The following NFAM1 variants were observed in gnomAD, a reference collection of about 807,000 sequenced individuals.
NFAM1 encodes the protein NFAT activation molecule 1.
NFAM1 carries 17 observed loss-of-function variants against 29.0 expected under a neutral mutation model. The observed-to-expected ratio is 0.59, with a 90% CI of 0.40 to 0.88. The LOEUF (loss-of-function observed/expected upper bound fraction) is 0.88. NFAM1 is among the 40% of genes least tolerant of loss of function. The pLI is 0.00. For missense variants in NFAM1, 324 were observed against 344.6 expected, an observed-to-expected ratio of 0.94 and a Z score of 0.47; for synonymous variants, 175 against 147.2, an observed-to-expected ratio of 1.19 and a Z score of -1.36.
At chr22:42,435,340 TTTTC>T (rs1423774494), upstream of NFAM1, among the ~76,000 whole-genome samples, 7 of 132,448 alleles carry the variant, frequency 5.3e-5, no homozygotes, top group Admixed American at 2.9e-4. Flanking sequence ...TTTCTTTTTC[TTTTC>T]TTTCTTTTTT....
At chr22:42,403,891 T>C (rs1474896274) in intron 3 of NFAM1, among the ~76,000 whole-genome samples, 2 of 152,066 alleles carry the variant, frequency 1.3e-5, no homozygotes, top group African/African-American at 4.8e-5. Flanking sequence ...GCTGGGTACA[T>C]GGGAGCTGGA....
At chr22:42,426,359 C>G (rs987033051) in intron 1 of NFAM1, among the ~76,000 whole-genome samples, 1 of 152,154 alleles carries the variant, frequency 6.6e-6, no homozygotes, top group African/African-American at 2.4e-5. Context: ...CAATGGGGTG[C>G]GTGGGGAGCA....
intron 3 of NFAM1, among the ~76,000 whole-genome samples, chr22:42,406,188 C>G (rs7291766): frequency 0.031 from 4,263 of 135,510 alleles, 203 homozygotes; most frequent in African/African-American, 0.11. Context: ...CGCCTCACCC[C>G]CCGAGGGAGC....
At chr22:42,393,715 CAA>C (rs757153855) in intron 4 of NFAM1, among the ~76,000 whole-genome samples, 23 of 96,924 alleles carry the variant, frequency 2.4e-4, no homozygotes, top group Admixed American at 2.1e-4. Context: ...TGCACCCAGC[CAA>C]AAAAAAAAAA....
At position 42,428,292 on chromosome 22, in the gene NFAM1, G is replaced by A. The variant is rs563339814; in HGVS notation, c.121+3945C>T. Among the ~76,000 whole-genome samples, 13 of 152,142 alleles carry A rather than the reference G, an allele frequency of 8.5e-5. 1 individual carries two copies. Among genetic ancestry groups the A allele is most frequent in the South Asian group, 4.2e-4 (2 of 4,816 alleles). Reference sequence around the variant, plus strand: ...TTCCAGCACTCCCCTGCCTCTCCCCGCCCACCTCTGCCTGTGCCTCGAAAG... The same window carrying A: ...TTCCAGCACTCCCCTGCCTCTCCCCACCCACCTCTGCCTGTGCCTCGAAAG... On this transcript the variant is annotated intron_variant, in intron 1 of 5. Coordinates refer to ENST00000329021, the MANE Select transcript of NFAM1 (RefSeq NM_145912.8).
rs1045484777 is a variant in NFAM1, at chr22:42,385,112, G to T, written c.*49C>A. 1.2e-5 allele frequency: 17 copies of T among 1,437,812 alleles called. No homozygotes were observed. Among genetic ancestry groups the T allele is most frequent in the Non-Finnish European group, 1.6e-5 (16 of 1,020,372 alleles). 89.1% of individuals were successfully genotyped at this position (1,437,812 alleles called of 1,614,324 possible). A position where few individuals can be genotyped will look rare whatever the true frequency, so the allele number is the denominator to read the frequency against. ...ATCAAGTCCTTTGGTGGCAGGGGCTGCCCCGGTCCTCTGACCCAGGGCAAG... is the reference window on the plus strand; with the variant it reads ...ATCAAGTCCTTTGGTGGCAGGGGCTTCCCCGGTCCTCTGACCCAGGGCAAG... On this transcript the variant is annotated 3_prime_UTR_variant, in exon 6 of 6. Transcript: ENST00000329021.
At chr22:42,437,565 G>A in the NFAM1 span, among the ~76,000 whole-genome samples, 1 of 152,098 alleles carries the variant, frequency 6.6e-6, no homozygotes, top group Non-Finnish European at 1.5e-5. Context: ...GACAACAGAC[G>A]CCAGAGCCAC....
intron 3 of NFAM1, among the ~76,000 whole-genome samples, chr22:42,403,257 C>A (rs570814978): frequency 6.6e-6 from 1 of 152,252 alleles, no homozygotes; most frequent in Admixed American, 6.5e-5. Flanking sequence ...AGAGCTGGAA[C>A]TGAACGAAGG....
chr22:42,385,585 C>CCCCT (rs1179365079), intron 5 of NFAM1, among the ~76,000 whole-genome samples: 1 of 152,074 alleles, frequency 6.6e-6, no homozygotes, highest in Non-Finnish European at 1.5e-5. Context: ...TCCCAGGGAC[C>CCCCT]CCCTCCCTCC....
At chr22:42,426,800 C>G (rs112339720) in intron 1 of NFAM1, among the ~76,000 whole-genome samples, 1 of 152,140 alleles carries the variant, frequency 6.6e-6, no homozygotes, top group Non-Finnish European at 1.5e-5. Flanking sequence ...GATCCACGAC[C>G]CATGACTCAC....
intron 1 of NFAM1, among the ~76,000 whole-genome samples, chr22:42,423,747 G>A (rs144255589): frequency 0.048 from 7,230 of 150,160 alleles, 294 homozygotes; most frequent in African/African-American, 0.094. Context: ...TTGAGATGGA[G>A]TCTCACCTTG....
chr22:42,386,378 C>A (rs5996148), intron 5 of NFAM1, among the ~76,000 whole-genome samples: 31 of 136,206 alleles, frequency 2.3e-4, no homozygotes, highest in Middle Eastern at 3.5e-3. Context: ...TGTCTCAAAA[C>A]AAAAACAAAA....
chr22:42,417,379 C>A (rs1287277922), intron 1 of NFAM1, among the ~76,000 whole-genome samples: 8 of 152,232 alleles, frequency 5.3e-5, no homozygotes. Flanking sequence ...CTGCTCCCAG[C>A]TGCTTTTCTG....
chr22:42,386,979 G>T lies in NFAM1; in HGVS notation c.753+10C>A. On this transcript the variant is annotated intron_variant, in intron 5 of 5. Coordinates refer to ENST00000329021, the MANE Select transcript of NFAM1 (RefSeq NM_145912.8). Reference sequence around the variant, plus strand: ...AAGAAGCCAGGCTTGGTGCCCCAGCGCCTGTGTACCTGGGAGAGGGGGCTC... The same window carrying T: ...AAGAAGCCAGGCTTGGTGCCCCAGCTCCTGTGTACCTGGGAGAGGGGGCTC... 2 of 1,472,818 alleles carry T rather than the reference G, an allele frequency of 1.4e-6. No individual in the cohort carries two copies. Among genetic ancestry groups the T allele is most frequent in the Non-Finnish European group, 9.2e-7 (1 of 1,083,826 alleles). The allele number at this position is 1,472,818 out of a possible 1,614,324, so 91.2% of individuals were successfully genotyped here.
chr22:42,417,048 G>A (rs1930284103), intron 1 of NFAM1, among the ~76,000 whole-genome samples: 1 of 152,136 alleles, frequency 6.6e-6, no homozygotes, highest in Non-Finnish European at 1.5e-5. Flanking sequence ...AGAGCCCAGG[G>A]CCAGCCTCCC....
Position 42,397,797 on chromosome 22 carries a change from C to A in NFAM1, c.663+61G>T, listed in dbSNP as rs574661386. The A allele has an allele frequency of 5.2e-5, 49 of 938,390 alleles. No individual in the cohort carries two copies. In the Admixed American group the frequency reaches 6.2e-4, roughly 12 times the overall value. 58.1% of individuals were successfully genotyped at this position (938,390 alleles called of 1,614,324 possible). On this transcript the variant is annotated intron_variant, in intron 4 of 5. Transcript: ENST00000329021. ...AGACTGAGCCAGACAGACCCTGGTACAAGACAGACTCTGCCTAAGGCCTGA... is the reference window on the plus strand; with the variant it reads ...AGACTGAGCCAGACAGACCCTGGTAAAAGACAGACTCTGCCTAAGGCCTGA...
chr22:42,403,257 C>T (rs570814978), intron 3 of NFAM1, among the ~76,000 whole-genome samples: 9 of 152,370 alleles, frequency 5.9e-5, no homozygotes, highest in African/African-American at 2.2e-4. Context: ...AGAGCTGGAA[C>T]TGAACGAAGG....
intron 3 of NFAM1, among the ~76,000 whole-genome samples, chr22:42,407,643 C>T (rs1929943703): frequency 6.6e-6 from 1 of 152,164 alleles, no homozygotes; most frequent in East Asian, 1.9e-4. Flanking sequence ...GGCTGGAGTG[C>T]AGTGGTGTGA....
At chr22:42,404,675 G>A (rs183033397) in intron 3 of NFAM1, among the ~76,000 whole-genome samples, 37 of 152,108 alleles carry the variant, frequency 2.4e-4, no homozygotes, top group Admixed American at 1.7e-3. Context: ...GGCCAACATG[G>A]TGAAACCCAG....
Sources: gnomAD v4.1 joint callset for allele counts (sites outside exome capture counted in the v4.1 genomes callset) on GRCh38, gnomAD v4.1.1 for gene constraint, MANE v1.5 for transcripts, NCBI Gene and HGNC (gene_info 2026-07-23, HGNC 2026-07-21) for gene names.